DNAJB13: variants seen among roughly 807,000 people sequenced by gnomAD.
The protein encoded by DNAJB13 is DnaJ heat shock protein family (Hsp40) member B13.
Under a neutral mutation model 35.6 loss-of-function variants are expected in DNAJB13, and 22 were observed. That is an observed-to-expected ratio of 0.62 (90% CI 0.44 to 0.88). DNAJB13 has a LOEUF of 0.88. Ranked by LOEUF, DNAJB13 falls within the 40% of genes least tolerant of loss-of-function variation. The pLI is 0.00. For synonymous variants in DNAJB13, 136 were observed against 144.2 expected (o/e 0.94, Z 0.41); for missense variants, 370 against 384.3 (o/e 0.96, Z 0.31).
chr11:73,957,141 G>A (rs1447806489), intron 1 of DNAJB13, among the ~76,000 whole-genome samples: 2 of 152,190 alleles, frequency 1.3e-5, no homozygotes, highest in Non-Finnish European at 2.9e-5. Context: ...GCTGCGCTCC[G>A]GGAGGCTTCC....
intron 1 of DNAJB13, among the ~76,000 whole-genome samples, chr11:73,952,617 G>T (rs1001108440): frequency 2.6e-5 from 4 of 152,210 alleles, no homozygotes; most frequent in African/African-American, 9.6e-5. Context: ...TCAGGACAGT[G>T]TATGATGTCA....
intron 1 of DNAJB13, among the ~76,000 whole-genome samples, chr11:73,953,543 A>T (rs1950639667): frequency 6.6e-6 from 1 of 152,210 alleles, no homozygotes; most frequent in African/African-American, 2.4e-5. Context: ...GGTTTCATGC[A>T]CTGGTAGTCA....
intron 1 of DNAJB13, 122 bp from the exon 2 acceptor site, chr11:73,958,195 G>C: frequency 1.0e-6 from 1 of 954,294 alleles, no homozygotes; most frequent in East Asian, 2.5e-5. Flanking sequence ...AGCCACCACA[G>C]CTGGTGAAGT....
At chr11:73,969,429 C>A in intron 7 of DNAJB13, 107 bp downstream of exon 7, 2 of 720,794 alleles carry the variant, frequency 2.8e-6, no homozygotes, top group Non-Finnish European at 2.4e-6. Flanking sequence ...CTGCCCCCAG[C>A]AGAAGGGTTC....
At chr11:73,957,791 C>T (rs1055539109) in intron 1 of DNAJB13, among the ~76,000 whole-genome samples, 4 of 152,186 alleles carry the variant, frequency 2.6e-5, no homozygotes, top group Admixed American at 6.5e-5. Flanking sequence ...TGTGTGTCTG[C>T]TCCGGTCCTC....
chr11:73,958,022 C>A (rs887168634), intron 1 of DNAJB13, among the ~76,000 whole-genome samples: 1 of 152,160 alleles, frequency 6.6e-6, no homozygotes, highest in Non-Finnish European at 1.5e-5. Context: ...CTGTGTCTTG[C>A]AGGAATGGGC....
chr11:73,955,985 G>T (rs940174563), intron 1 of DNAJB13, among the ~76,000 whole-genome samples: 14 of 151,992 alleles, frequency 9.2e-5, no homozygotes, highest in African/African-American at 3.4e-4. Context: ...CTTCCTGTCC[G>T]CAGTAAGAGG....
intron 1 of DNAJB13, among the ~76,000 whole-genome samples, chr11:73,953,101 C>CTG (rs1950626615): frequency 6.6e-6 from 1 of 152,160 alleles, no homozygotes; most frequent in South Asian, 2.1e-4. Context: ...TGGCACACAC[C>CTG]TGTAGTCCCA....
intron 3 of DNAJB13, among the ~76,000 whole-genome samples, chr11:73,963,052 A>G (rs563373489): frequency 3.0e-4 from 46 of 152,256 alleles, no homozygotes; most frequent in African/African-American, 1.1e-3. Flanking sequence ...TCGGCCGGGC[A>G]TGGTGGCTCA....
In DNAJB13 at chr11:73,968,422, C is replaced by T. The variant is rs1951184434; in HGVS notation, c.684C>T (p.Asp228=). The T allele has an allele frequency of 1.2e-6, 2 of 1,614,004 alleles. No individual in the cohort carries two copies. ...KLHPRFRREN[D]NLFFVNPIPL... ...ACCCTCGCTTCCGCAGGGAGAATGA[C>T]AACCTCTTCTTCGTGAACCCCATCC... is the stretch of plus-strand genomic sequence containing the variant. Residue 228 remains aspartate, a synonymous_variant, in exon 6 of 8, where the codon GAC becomes GAT. Transcript: ENST00000339764.
Position 73,966,500 on chromosome 11 carries a change from G to A in DNAJB13, c.606+249G>A, listed in dbSNP as rs75562871. 0.043 allele frequency among the ~76,000 whole-genome samples: 6,498 copies of A among 152,084 alleles called. 478 individuals are homozygous for A. Among genetic ancestry groups the A allele is most frequent in the African/African-American group, 0.15 (6,189 of 41,446 alleles). The stretch of plus-strand genomic sequence containing the variant: ...GTCCCCATTTTACAGAGTGGGAAAT[G>A]GGGGCCCAGAGAAGAAAGGGACTTG... On this transcript the variant is annotated intron_variant, in intron 5 of 7. Coordinates refer to ENST00000339764, the MANE Select transcript of DNAJB13 (RefSeq NM_153614.4).
intron 6 of DNAJB13, 103 bp downstream of exon 6, chr11:73,968,561 C>T: frequency 1.1e-6 from 1 of 906,338 alleles, no homozygotes; most frequent in Non-Finnish European, 1.7e-6. Context: ...TGCCATCAGT[C>T]ACTAAGCCCT....
chr11:73,962,782 T>C (rs1013855610), intron 3 of DNAJB13, among the ~76,000 whole-genome samples: 46 of 152,262 alleles, frequency 3.0e-4, no homozygotes, highest in African/African-American at 9.9e-4. Context: ...CAGAGATTGC[T>C]CCCACCTTGT....
At chr11:73,967,731 C>CCA (rs1951159809) in intron 5 of DNAJB13, among the ~76,000 whole-genome samples, 1 of 152,138 alleles carries the variant, frequency 6.6e-6, no homozygotes, top group African/African-American at 2.4e-5. Flanking sequence ...GGCAACAGAG[C>CCA]GAGATCCTGT....
At chr11:73,960,806 A>G (rs1282259480) in intron 3 of DNAJB13, among the ~76,000 whole-genome samples, 1 of 152,124 alleles carries the variant, frequency 6.6e-6, no homozygotes, top group Non-Finnish European at 1.5e-5. Context: ...TATATCTTGG[A>G]GATTATCTTA....
rs773041581 is a variant in DNAJB13, at chr11:73,969,939, CCTTT to C, written c.798-16_798-13del. On this transcript the variant is annotated intron_variant, in intron 7 of 7. Coordinates refer to ENST00000339764, the MANE Select transcript of DNAJB13 (RefSeq NM_153614.4). ...GCTGCTCTGGGATGCCCTCTATGCT[CCTTT>C]CTTTCATCCTATTTCAGCCCCAAAT... 13 of 1,598,924 alleles carry C rather than the reference CCTTT, an allele frequency of 8.1e-6. No individual in the cohort carries two copies. In the East Asian group the frequency reaches 1.1e-4, roughly 14 times the overall value.
chr11:73,968,267 G>A, intron 5 of DNAJB13, 78 bp from the exon 6 acceptor site: 2 of 1,235,552 alleles, frequency 1.6e-6, no homozygotes, highest in South Asian at 1.2e-5. Context: ...TGAAGACATG[G>A]AGACAAGTAG....
intron 3 of DNAJB13, chr11:73,963,528 A>G (rs1230401479): frequency 6.6e-6 from 1 of 152,118 alleles, no homozygotes; most frequent in African/African-American, 2.4e-5. Context: ...CAGAAGCTAT[A>G]CTGCCATAGT....
chr11:73,966,845 ATTTTT>A (rs770257573), intron 5 of DNAJB13, among the ~76,000 whole-genome samples: 1 of 98,242 alleles, frequency 1.0e-5, no homozygotes, highest in African/African-American at 4.7e-5. Context: ...CGCCCAGCTA[ATTTTT>A]TTTTTTTTTT....
Sources: gnomAD v4.1 joint callset for allele counts (sites outside exome capture counted in the v4.1 genomes callset) on GRCh38, gnomAD v4.1.1 for gene constraint, MANE v1.5 for transcripts, NCBI Gene and HGNC (gene_info 2026-07-23, HGNC 2026-07-21) for gene names.